C5: variants seen among roughly 807,000 people sequenced by gnomAD.
C5 encodes complement C5.
C5 carries 140 observed loss-of-function variants against 218.8 expected under a neutral mutation model. The observed-to-expected ratio is 0.64, with a 90% CI of 0.56 to 0.74. The LOEUF (loss-of-function observed/expected upper bound fraction) is 0.74, where lower values mean the gene tolerates loss of function less well. C5 is among the 30% of genes least tolerant of loss of function. The pLI, the probability that C5 is intolerant of heterozygous loss-of-function variation, is 0.00. For missense variants in C5, 1,700 were observed against 1,969.6 expected (o/e 0.86, Z 2.59); for synonymous variants, 614 against 682.3 (o/e 0.90, Z 1.56).
At chr9:121,032,674 T>C (rs2047486391) in intron 5 of C5, among the ~76,000 whole-genome samples, 1 of 152,266 alleles carries the variant, frequency 6.6e-6, no homozygotes, top group Non-Finnish European at 1.5e-5. Flanking sequence ...AAGATGAAAA[T>C]GACCTGGCTT....
At chr9:121,043,758 G>C (rs2047601757) in intron 2 of C5, among the ~76,000 whole-genome samples, 1 of 141,280 alleles carries the variant, frequency 7.1e-6, no homozygotes, top group Non-Finnish European at 1.5e-5. Context: ...ATGTTGGCCA[G>C]GCTGGTCCTG....
At chr9:120,960,383 T>C (rs1188153635) in intron 37 of C5, 46 bp from the exon 38 acceptor site, 1 of 1,252,956 alleles carries the variant, frequency 8.0e-7, no homozygotes, top group South Asian at 1.2e-5. Flanking sequence ...TGGAAAGAAG[T>C]AGACACTCTT....
Position 121,008,446 on chromosome 9 carries a change from T to C in C5, c.2310A>G (p.Pro770=). ...VSKPEIRSYF[P]ESWLWEVHLV... ...GATGAACTTCCCACAACCAGCTTTC[T>C]GGAAAATAACTCCGAATTTCTGGCT... is the stretch of plus-strand genomic sequence containing the variant. Residue 770 remains proline, a synonymous_variant, in exon 18 of 41, where the codon CCA becomes CCG. Coordinates refer to ENST00000223642, the MANE Select transcript of C5 (RefSeq NM_001735.3). 1 of 1,613,838 alleles carries C rather than the reference T, an allele frequency of 6.2e-7. No individual in the cohort carries two copies. The highest frequency in any genetic ancestry group is 1.7e-5 in the Admixed American group (1 of 60,016).
rs1433129434 is a variant in C5, at chr9:120,996,283, C to A, written c.2808G>T (p.Arg936Ser). 1 of 1,612,340 alleles carries A rather than the reference C, an allele frequency of 6.2e-7. No individual in the cohort carries two copies. ...CCAAAGTAACACCAGAATAGCTTTC[C>A]CTTTTGACACCTTCTGGCTAAAATA... ...TLRVVPEGVKRESYSGVTLDP... is the reference protein window; with the variant it reads ...TLRVVPEGVKSESYSGVTLDP... The change falls in exon 22 of 41, where the codon AGG becomes AGT. Residue 936 changes from arginine to serine, a missense_variant. Transcript: ENST00000223642.
chr9:120,968,940 A>T, intron 33 of C5, 121 bp downstream of exon 33: 1 of 836,254 alleles, frequency 1.2e-6, no homozygotes, highest in South Asian at 1.4e-5. Flanking sequence ...CTGCATTTTT[A>T]AACAATTGAA....
chr9:121,003,292 A>G (rs979901933), intron 20 of C5, among the ~76,000 whole-genome samples: 150 of 152,154 alleles, frequency 9.9e-4, no homozygotes, highest in African/African-American at 3.5e-3. Context: ...CTCTGTCTCA[A>G]AAAAAGAAAA....
intron 7 of C5, 66 bp downstream of exon 7, chr9:121,030,328 TATC>T: frequency 3.7e-6 from 3 of 819,812 alleles, no homozygotes; most frequent in Non-Finnish European, 5.9e-6. Flanking sequence ...TTTGGGCAAC[TATC>T]ATCAACCAGA....
rs573712247 is a variant in C5 at position 120,997,483 on chromosome 9, C to CCCCT, written c.2790+60_2790+63dup. ...AATTTACACTATTGTTTCTCTCCCC[C>CCCCT]CCCTTTCTGTGTCTCTCTTTTGCAA... On this transcript the variant is annotated intron_variant, in intron 21 of 40. Transcript: ENST00000223642. 8.6e-6 allele frequency: 10 copies of CCCCT among 1,166,248 alleles called. No individual in the cohort carries two copies. The South Asian group carries it at 1.1e-4, about 13-fold the overall frequency. The allele number at this position is 1,166,248 out of a possible 1,614,324, so 72.2% of individuals were successfully genotyped here.
intron 22 of C5, among the ~76,000 whole-genome samples, chr9:120,994,293 C>T (rs78144273): frequency 1.8e-3 from 270 of 151,970 alleles, no homozygotes; most frequent in African/African-American, 6.3e-3. Context: ...ATATAAATAT[C>T]AGAAATAGGC....
intron 30 of C5, among the ~76,000 whole-genome samples, chr9:120,972,439 T>G (rs764230317): frequency 3.3e-5 from 5 of 152,300 alleles, no homozygotes; most frequent in Non-Finnish European, 7.4e-5. Flanking sequence ...CATCTATCTT[T>G]GGTCCTCTCT....
chr9:121,020,585 A>G (rs1171766888), intron 11 of C5, among the ~76,000 whole-genome samples: 1 of 152,206 alleles, frequency 6.6e-6, no homozygotes, highest in Non-Finnish European at 1.5e-5. Context: ...TGGGGACAGG[A>G]GCTATGAACG....
At chr9:120,994,600 A>C (rs1004486631) in intron 22 of C5, among the ~76,000 whole-genome samples, 1 of 152,094 alleles carries the variant, frequency 6.6e-6, no homozygotes, top group Admixed American at 6.5e-5. Flanking sequence ...CACAAAAAAA[A>C]AATAATAAAT....
the C5 span, among the ~76,000 whole-genome samples, chr9:121,063,070 C>CCT: frequency 2.0e-4 from 30 of 150,422 alleles, no homozygotes; most frequent in Admixed American, 8.6e-4. Context: ...TCTGTCCTTT[C>CCT]CTCTCTCTCT....
chr9:120,971,983 T>C lies in C5; in HGVS notation c.4027A>G (p.Asn1343Asp). 6.2e-7 allele frequency: 1 copy of C among 1,612,636 alleles called. No homozygotes were observed. ...CCTGTACTGACAATGAGGTCATCAT[T>C]GAGAAGCACCTGGAAAGATAATAGA... ...FLGRPVEVLL[N>D]DDLIVSTGFG... is the part of the protein sequence containing the mutation. The change falls in exon 31 of 41, where the codon AAT becomes GAT. Residue 1343 changes from asparagine (N) to aspartate (D), a missense_variant. Physicochemically the swap from Asn to Asp is conservative, Grantham distance 23. Coordinates refer to ENST00000223642, the MANE Select transcript of C5 (RefSeq NM_001735.3).
At chr9:121,050,612 T>C (rs561111131), upstream of C5, among the ~76,000 whole-genome samples, 91 of 152,290 alleles carry the variant, frequency 6.0e-4, no homozygotes, top group Non-Finnish European at 1.2e-3. Flanking sequence ...CAAGCATACA[T>C]CTGGCAGGTC....
chr9:121,027,604 A>T (rs994077838), intron 7 of C5, among the ~76,000 whole-genome samples: 7 of 152,150 alleles, frequency 4.6e-5, no homozygotes, highest in African/African-American at 9.6e-5. Flanking sequence ...AAGGATTCCC[A>T]ATTTAATAAA....
chr9:121,063,245 T>G, the C5 span, among the ~76,000 whole-genome samples: 6 of 151,814 alleles, frequency 4.0e-5, no homozygotes, highest in African/African-American at 1.4e-4. Flanking sequence ...GACTGGATAA[T>G]CTCAATTGAT....
chr9:121,040,940 C>CT (rs1056009791), intron 3 of C5, among the ~76,000 whole-genome samples: 1 of 141,924 alleles, frequency 7.0e-6, no homozygotes, highest in African/African-American at 2.5e-5. Flanking sequence ...ACATCGTCTT[C>CT]TTTTTTTTTC....
intron 22 of C5, among the ~76,000 whole-genome samples, chr9:120,991,808 A>C (rs1437617708): frequency 6.6e-6 from 1 of 152,240 alleles, no homozygotes; most frequent in Non-Finnish European, 1.5e-5. Flanking sequence ...TGTCCAAAAA[A>C]AGGTAACATT....
Sources: allele counts gnomAD v4.1 joint callset (sites outside exome capture counted in the v4.1 genomes callset), GRCh38; gene constraint gnomAD v4.1.1; transcripts MANE v1.5; gene names NCBI Gene and HGNC (gene_info 2026-07-23, HGNC 2026-07-21).